CHD5: variants seen among roughly 807,000 people sequenced by gnomAD.
CHD5 encodes ATP-dependent chromatin remodeler CHD5.
A neutral mutation model predicts 230.3 loss-of-function variants in CHD5; 69 were observed. The observed-to-expected ratio is 0.30, with a 90% confidence interval of 0.25 to 0.37. CHD5 has a LOEUF of 0.37. Ranked by LOEUF, CHD5 falls within the 10% of genes least tolerant of loss-of-function variation. CHD5 has a pLI of 1.00. For missense variants in CHD5, 1,827 were observed against 2,622.8 expected, an observed-to-expected ratio of 0.70 and a Z score of 6.63; for synonymous variants, 1,064 against 1,065.9, an observed-to-expected ratio of 1.00 and a Z score of 0.03.
chr1:6,108,349 G>A (rs374346918), intron 38 of CHD5, among the ~76,000 whole-genome samples: 2 of 147,260 alleles, frequency 1.4e-5, no homozygotes, highest in African/African-American at 5.0e-5. Flanking sequence ...ATGATGAAGG[G>A]ATAATGGAGG....
intron 2 of CHD5, 69 bp from the exon 3 acceptor site, chr1:6,159,584 C>T (rs529893903): frequency 6.6e-5 from 92 of 1,397,532 alleles, no homozygotes; most frequent in African/African-American, 3.2e-4. Context: ...GGTGGCAGGA[C>T]GGCCCTGAGA....
At chr1:6,171,584 C>T (rs948576804) in intron 1 of CHD5, among the ~76,000 whole-genome samples, 4 of 152,222 alleles carry the variant, frequency 2.6e-5, no homozygotes, top group African/African-American at 7.2e-5. Context: ...TCTCTGCTCC[C>T]GCAGCAGGTC....
chr1:6,108,199 A>G (rs1375667464), intron 38 of CHD5, among the ~76,000 whole-genome samples: 74 of 89,550 alleles, frequency 8.3e-4, no homozygotes, highest in East Asian at 2.3e-3. Flanking sequence ...AGGGGTGGAG[A>G]GATGGAGGGA....
intron 1 of CHD5, among the ~76,000 whole-genome samples, chr1:6,176,384 C>T (rs913495528): frequency 6.6e-6 from 1 of 152,184 alleles, no homozygotes; most frequent in African/African-American, 2.4e-5. Context: ...CCATTCTGGG[C>T]TCACTAGCTT....
At chr1:6,157,392 A>G (rs886946037) in intron 3 of CHD5, among the ~76,000 whole-genome samples, 1 of 152,228 alleles carries the variant, frequency 6.6e-6, no homozygotes, top group African/African-American at 2.4e-5. Flanking sequence ...CCTGAGCCCA[A>G]CACTGCCACA....
intron 34 of CHD5, 61 bp from the exon 35 acceptor site, chr1:6,112,338 C>A: frequency 6.3e-7 from 1 of 1,593,458 alleles, no homozygotes. Context: ...CCAGCGGCCT[C>A]TCTCTGCCAA....
chr1:6,127,882 G>A (rs912375543), intron 25 of CHD5, among the ~76,000 whole-genome samples, 164 bp downstream of exon 25: 9 of 152,104 alleles, frequency 5.9e-5, no homozygotes, highest in African/African-American at 1.7e-4. Flanking sequence ...TGGAGTGCGG[G>A]GCACAGCAGG....
rs750062959 is a variant in CHD5 at position 6,111,845 on chromosome 1, C to T, written c.5179G>A (p.Val1727Ile). 3 of 1,613,236 alleles carry T rather than the reference C, an allele frequency of 1.9e-6. No homozygotes were observed. Among genetic ancestry groups the T allele is most frequent in the African/African-American group, 1.3e-5 (1 of 74,930 alleles). Residue 1727 changes from valine (V) to isoleucine (I), a missense_variant, in exon 36 of 42, where the codon GTA becomes ATA. This residue lies in a region of CHD5 where 272 missense variants were observed against 263.2 expected (regional missense o/e 1.03). Transcript: ENST00000262450. ...TLWQNEERAA[V>I]SSGKIYDIWH... ...ATGTCGTAGATTTTCCCAGAGGATA[C>T]AGCAGCCCGCTCCTCGTTCTGCCAC... is the stretch of plus-strand genomic sequence containing the variant.
chr1:6,124,012 C>T lies in CHD5; in HGVS notation c.4635G>A (p.Ser1545=), dbSNP rs140639533. The T allele has an allele frequency of 1.5e-5, 24 of 1,612,174 alleles. No homozygotes were observed. Among genetic ancestry groups the T allele is most frequent in the South Asian group, 4.4e-5 (4 of 90,772 alleles). The change falls in exon 31 of 42, where the codon TCG becomes TCA. Residue 1545 remains serine (S), a synonymous_variant. Coordinates refer to ENST00000262450, the MANE Select transcript of CHD5 (RefSeq NM_015557.3). ...TGGCGGGCACTGGTGTGTTGGGGTC[C>T]GAGGAGATCACCTCGCCCGACTTCT... ...EGKKSGEVIS[S]DPNTPVPASP...
Position 6,126,473 on chromosome 1 carries a change from G to T in CHD5, c.4078+99C>A, listed in dbSNP as rs1007407112. 7.3e-6 allele frequency: 5 copies of T among 688,872 alleles called. No individual in the cohort carries two copies. The highest frequency in any genetic ancestry group is 1.0e-5 in the Non-Finnish European group (4 of 386,768). The allele number at this position is 688,872 out of a possible 1,614,324, so 42.7% of individuals were successfully genotyped here. A position where few individuals can be genotyped will look rare whatever the true frequency, so the allele number is the denominator to read the frequency against. On this transcript the variant is annotated intron_variant, in intron 26 of 41. Transcript: ENST00000262450. The surrounding 1 kb of genome is among the most constrained non-coding windows in gnomAD (Gnocchi z 5.7). ...CACACTCGCCCAGCTCTCCCGGCCC[G>T]CACCTCCCGGGGGTTCTGCACAGGG...
At position 6,134,246 on chromosome 1, in the gene CHD5, A is replaced by G; in HGVS notation, c.3026T>C (p.Leu1009Ser). Residue 1009 changes from leucine (L) to serine (S), a missense_variant, in exon 20 of 42, where the codon TTG (leucine) becomes TCG (serine). By Grantham distance (145) the Leu-to-Ser change is moderately radical. This residue lies in a region of CHD5 where 38 missense variants were observed against 49.5 expected (regional missense o/e 0.77). Transcript: ENST00000262450. This position sits in a 1 kb window ranked among gnomAD's most constrained non-coding sequence, Gnocchi z 6.3. ...GCTTCCATCGTAGGAGCCATTGGGC[A>G]AGACAGGGGCCTCCTGCAGACACAG... ...FPVAAVEAPV[L>S]PNGSYDGSSL... The G allele has an allele frequency of 1.2e-6, 2 of 1,613,382 alleles. No homozygotes were observed. Among genetic ancestry groups the G allele is most frequent in the Non-Finnish European group, 1.7e-6 (2 of 1,179,984 alleles).
rs769836156 is a variant in CHD5, at chr1:6,106,689, G to A, written c.5669C>T (p.Ala1890Val). Residue 1890 changes from alanine (A) to valine (V), a missense_variant, in exon 39 of 42, where the codon GCC becomes GTC. By Grantham distance (64) the Ala-to-Val change is moderately conservative (BLOSUM62 0). This residue lies in a region of CHD5 where 208 missense variants were observed against 302.0 expected (regional missense o/e 0.69). Transcript: ENST00000262450. The part of the protein sequence containing the change: ...SMLSRIPPVA[A>V]RLQMSERSIL... ...GCTGCGCTCCGACATCTGCAGCCGG[G>A]CGGCCACCGGGGGGATGCGGGACAG... The A allele has an allele frequency of 6.2e-7, 1 of 1,611,622 alleles. No homozygotes were observed. Among genetic ancestry groups the A allele is most frequent in the East Asian group, 2.2e-5 (1 of 44,824 alleles).
chr1:6,111,729 G>C, intron 36 of CHD5, 46 bp downstream of exon 36: 1 of 1,503,110 alleles, frequency 6.7e-7, no homozygotes, highest in Non-Finnish European at 9.3e-7. Context: ...CGAGGTCCAC[G>C]GAGGAACGGG....
intron 31 of CHD5, among the ~76,000 whole-genome samples, chr1:6,122,195 C>A (rs1217582324): frequency 6.6e-6 from 1 of 152,232 alleles, no homozygotes; most frequent in African/African-American, 2.4e-5. Flanking sequence ...TCACCCATCA[C>A]CATGGGATAG....
chr1:6,121,374 G>A lies in CHD5; in HGVS notation c.4779+120C>T. On this transcript the variant is annotated intron_variant, in intron 32 of 41. Coordinates refer to ENST00000262450, the MANE Select transcript of CHD5 (RefSeq NM_015557.3). The surrounding 1 kb of genome is among the most constrained non-coding windows in gnomAD (Gnocchi z 4.5). ...CTAGCCTGCTCCCCGCCGATTCAGA[G>A]CCCCGAAAAGGGAGCCAGGAGGCCT... The A allele has an allele frequency of 6.7e-7, 1 of 1,496,050 alleles. No homozygotes were observed. Among genetic ancestry groups the A allele is most frequent in the South Asian group, 1.2e-5 (1 of 85,712 alleles). 92.7% of individuals were successfully genotyped at this position (1,496,050 alleles called of 1,614,324 possible). A position where few individuals can be genotyped will look rare whatever the true frequency, so the allele number is the denominator to read the frequency against.
At chr1:6,151,486 G>C (rs903283749) in intron 6 of CHD5, among the ~76,000 whole-genome samples, 31 of 152,206 alleles carry the variant, frequency 2.0e-4, no homozygotes, top group African/African-American at 7.5e-4. Context: ...CCTCCAAGAA[G>C]TCTTCCCAGA....
intron 20 of CHD5, among the ~76,000 whole-genome samples, chr1:6,132,798 T>C (rs368559464): frequency 7.9e-5 from 12 of 152,208 alleles, no homozygotes; most frequent in Admixed American, 2.0e-4. Context: ...ATTTCTTCTT[T>C]ATTTTAGGGT....
chr1:6,143,626 G>A lies in CHD5; in HGVS notation c.2043+197C>T, dbSNP rs541103336. ...GGGTCTCCTCCCAGGTGAGAGTGGT[G>A]TGTAAGTAGCATGTCAGCTGCAGTG... is the stretch of plus-strand genomic sequence containing the variant. On this transcript the variant is annotated intron_variant, in intron 13 of 41. Transcript: ENST00000262450. 1.7e-3 allele frequency among the ~76,000 whole-genome samples: 258 copies of A among 152,320 alleles called. 1 individual carries two copies. The highest frequency in any genetic ancestry group is 6.1e-3 in the African/African-American group (253 of 41,574).
At chr1:6,133,996 A>G (rs1666698349) in intron 20 of CHD5, 132 bp downstream of exon 20, 5 of 839,946 alleles carry the variant, frequency 6.0e-6, no homozygotes, top group Non-Finnish European at 9.2e-6. Flanking sequence ...CCCCTGACAC[A>G]CAGTCACATG....
Sources: allele counts gnomAD v4.1 joint callset (sites outside exome capture counted in the v4.1 genomes callset), GRCh38; gene constraint gnomAD v4.1.1; regional missense constraint gnomAD v4.1.1; non-coding constraint Gnocchi (gnomAD v3.1); transcripts MANE v1.5; gene names NCBI Gene and HGNC (gene_info 2026-07-23, HGNC 2026-07-21).